Variants in CADPS2 observed in about 807,000 individuals in gnomAD.
The protein encoded by CADPS2 is calcium-dependent secretion activator 2.
In CADPS2, 93 loss-of-function variants were observed where a neutral mutation model predicts 172.5. The ratio of observed to expected loss-of-function variants is 0.54; its 90% CI spans 0.46 to 0.64. CADPS2 has a LOEUF of 0.64. Among genes scored for constraint, CADPS2 ranks in the 30% least tolerant of loss-of-function variants. CADPS2 has a pLI of 0.00. For missense variants in CADPS2, 1,420 were observed against 1,565.9 expected, an observed-to-expected ratio of 0.91 and a Z score of 1.57; for synonymous variants, 546 against 555.2, an observed-to-expected ratio of 0.98 and a Z score of 0.23.
Position 122,603,143 on chromosome 7 carries a change from C to T in CADPS2, c.1223+12038G>A, listed in dbSNP as rs73719717. 8.4e-3 allele frequency among the ~76,000 whole-genome samples: 1,281 copies of T among 152,168 alleles called. 18 individuals carry two copies. Among genetic ancestry groups the T allele is most frequent in the African/African-American group, 0.03 (1,228 of 41,528 alleles). On this transcript the variant is annotated intron_variant, in intron 6 of 29. Transcript: ENST00000449022. The stretch of plus-strand genomic sequence containing the variant: ...ACTAACAAGTCTTTTCCCTTCATAA[C>T]TGACAATTAGGCATTATTCATTTTG...
chr7:122,429,350 T>G (rs1179201475), intron 17 of CADPS2, among the ~76,000 whole-genome samples: 1 of 148,974 alleles, frequency 6.7e-6, no homozygotes, highest in Non-Finnish European at 1.5e-5. Flanking sequence ...TAGATCAGTA[T>G]AGCTCAAGCA....
intron 1 of CADPS2, among the ~76,000 whole-genome samples, chr7:122,834,123 C>G (rs2140699751): frequency 6.6e-6 from 1 of 152,258 alleles, no homozygotes; most frequent in East Asian, 1.9e-4. Flanking sequence ...TTTAAGTTAA[C>G]AAGCAAGACA....
chr7:122,743,919 A>G (rs1393604986), intron 1 of CADPS2, among the ~76,000 whole-genome samples: 1 of 152,194 alleles, frequency 6.6e-6, no homozygotes. Context: ...CTCATACATT[A>G]TAAACCCTGT....
At chr7:122,642,259 G>T (rs1469886557) in intron 3 of CADPS2, among the ~76,000 whole-genome samples, 3 of 147,358 alleles carry the variant, frequency 2.0e-5, no homozygotes, top group Non-Finnish European at 3.0e-5. Flanking sequence ...CAGCCTGGAA[G>T]GCACAGTGAG....
chr7:122,878,259 A>AAG (rs1213665752), intron 1 of CADPS2, among the ~76,000 whole-genome samples: 3 of 90,114 alleles, frequency 3.3e-5, no homozygotes, highest in Non-Finnish European at 6.4e-5. Context: ...ACTCCGTCTC[A>AAG]AGAAAAAAAA....
intron 3 of CADPS2, among the ~76,000 whole-genome samples, chr7:122,634,601 T>C (rs2076885708): frequency 6.6e-6 from 1 of 152,204 alleles, no homozygotes; most frequent in South Asian, 2.1e-4. Context: ...CTGTTTATGT[T>C]TTCAAAAAGC....
intron 2 of CADPS2, among the ~76,000 whole-genome samples, chr7:122,673,933 G>T (rs2082134044): frequency 6.6e-6 from 1 of 152,030 alleles, no homozygotes; most frequent in Non-Finnish European, 1.5e-5. Flanking sequence ...GGGTTGGTTG[G>T]GGAGCTAGGG....
chr7:122,483,959 A>C (rs1021970038), intron 11 of CADPS2, among the ~76,000 whole-genome samples: 2 of 152,222 alleles, frequency 1.3e-5, no homozygotes, highest in South Asian at 4.1e-4. Context: ...ACTAAAGACT[A>C]CCTAAACAAA....
intron 28 of CADPS2, among the ~76,000 whole-genome samples, chr7:122,333,880 A>G (rs62473065): frequency 0.13 from 19,634 of 150,126 alleles, 1,355 homozygotes; most frequent in Non-Finnish European, 0.15. Flanking sequence ...AATATTTATA[A>G]ATATAAATTT....
In CADPS2 at chr7:122,351,372, C is replaced by CAAAAAAA. The variant is rs398048049; in HGVS notation, c.3505-5698_3505-5692dup. 5.4e-3 allele frequency among the ~76,000 whole-genome samples: 155 copies of CAAAAAAA among 28,930 alleles called. 23 individuals carry two copies. The highest frequency in any genetic ancestry group is 0.014 in the African/African-American group (96 of 6,826). 19.0% of individuals were successfully genotyped at this position (28,930 alleles called of 152,430 possible). ...TGGGTGACAGAGCGAGACTCCGTCT[C>CAAAAAAA]AAAAAAAAAAAAAAAAAAAAAAAAA... is the stretch of plus-strand genomic sequence containing the variant. On this transcript the variant is annotated intron_variant, in intron 27 of 29. Coordinates refer to ENST00000449022, the MANE Select transcript of CADPS2 (RefSeq NM_017954.11).
intron 2 of CADPS2, chr7:122,676,458 T>C (rs1209936575): frequency 5.2e-6 from 2 of 383,268 alleles, no homozygotes; most frequent in Non-Finnish European, 9.2e-6. Flanking sequence ...TGACATTCAT[T>C]TGAAAAATGA....
intron 14 of CADPS2, among the ~76,000 whole-genome samples, chr7:122,456,250 A>G (rs1211727671): frequency 6.6e-6 from 1 of 152,082 alleles, no homozygotes; most frequent in African/African-American, 2.4e-5. Flanking sequence ...TGACATTGAT[A>G]AAGATTCTGT....
intron 6 of CADPS2, among the ~76,000 whole-genome samples, chr7:122,605,442 C>T (rs184761486): frequency 3.8e-4 from 58 of 152,184 alleles, no homozygotes; most frequent in Non-Finnish European, 6.8e-4. Flanking sequence ...CATCATTATG[C>T]AGTGTATGAC....
chr7:122,388,350 T>C (rs926854059), intron 23 of CADPS2, among the ~76,000 whole-genome samples: 3 of 152,000 alleles, frequency 2.0e-5, no homozygotes, highest in Non-Finnish European at 2.9e-5. Flanking sequence ...TAATATGGTA[T>C]AGATGTTACT....
intron 25 of CADPS2, among the ~76,000 whole-genome samples, chr7:122,368,528 C>G (rs1585327888): frequency 6.6e-6 from 1 of 152,164 alleles, no homozygotes; most frequent in Non-Finnish European, 1.5e-5. Flanking sequence ...GGTGACTAGT[C>G]CTGCCTTGAA....
intron 12 of CADPS2, among the ~76,000 whole-genome samples, chr7:122,479,238 T>C (rs1246370893): frequency 6.6e-6 from 1 of 152,156 alleles, no homozygotes; most frequent in Admixed American, 6.5e-5. Flanking sequence ...TATAATACAA[T>C]TTACTGTCCT....
intron 5 of CADPS2, among the ~76,000 whole-genome samples, chr7:122,619,461 A>G (rs1035885242): frequency 3.3e-4 from 43 of 129,258 alleles, no homozygotes; most frequent in African/African-American, 1.2e-3. Flanking sequence ...AAAAAATACA[A>G]AAAAAAAAAA....
intron 4 of CADPS2, among the ~76,000 whole-genome samples, chr7:122,627,741 A>G (rs2076216349): frequency 6.6e-6 from 1 of 152,198 alleles, no homozygotes; most frequent in East Asian, 1.9e-4. Flanking sequence ...CAAATGCTGA[A>G]CACAGATCCA....
intron 28 of CADPS2, among the ~76,000 whole-genome samples, chr7:122,340,332 G>A (rs2036580175): frequency 6.6e-6 from 1 of 152,080 alleles, no homozygotes; most frequent in Non-Finnish European, 1.5e-5. Flanking sequence ...ATTAAACATT[G>A]TACCCTGATG....
Sources: allele counts gnomAD v4.1 joint callset (sites outside exome capture counted in the v4.1 genomes callset), GRCh38; gene constraint gnomAD v4.1.1; transcripts MANE v1.5; gene names NCBI Gene and HGNC (gene_info 2026-07-23, HGNC 2026-07-21).